EXOC4: variants seen among roughly 807,000 people sequenced by gnomAD.
EXOC4 encodes SEC8-like 1.
EXOC4 carries 71 observed loss-of-function variants against 107.2 expected under a neutral mutation model. The ratio of observed to expected loss-of-function variants is 0.66; its 90% confidence interval spans 0.55 to 0.81. The LOEUF is 0.81. Ranked by LOEUF, EXOC4 falls within the 30% of genes least tolerant of loss-of-function variation. EXOC4 has a pLI of 0.00. For missense variants in EXOC4, 1,108 were observed against 1,189.6 expected, an observed-to-expected ratio of 0.93 and a Z score of 1.01; for synonymous variants, 456 against 441.2, an observed-to-expected ratio of 1.03 and a Z score of -0.42.
At chr7:133,389,039 G>A (rs1290315843) in intron 7 of EXOC4, among the ~76,000 whole-genome samples, 1 of 152,092 alleles carries the variant, frequency 6.6e-6, no homozygotes, top group African/African-American at 2.4e-5. Flanking sequence ...TAGGTATTAT[G>A]CATTTTTGGA....
At chr7:133,594,424 G>T (rs1051879425) in intron 9 of EXOC4, among the ~76,000 whole-genome samples, 3 of 149,398 alleles carry the variant, frequency 2.0e-5, no homozygotes, top group Non-Finnish European at 3.0e-5. Context: ...AACACACAAG[G>T]TCTCTGCTTT....
intron 10 of EXOC4, among the ~76,000 whole-genome samples, chr7:133,803,007 G>A (rs1433257755): frequency 6.6e-6 from 1 of 152,104 alleles, no homozygotes; most frequent in African/African-American, 2.4e-5. Context: ...ATGCATTGAA[G>A]TAATGAACTG....
Position 133,331,847 on chromosome 7 carries a change from A to C in EXOC4, c.763+14457A>C, listed in dbSNP as rs955201985. On this transcript the variant is annotated intron_variant, in intron 5 of 17. Transcript: ENST00000253861. ...TGGAGCCTGGCCTCATGCTGTTCCCAGTCTAAATATGTAGGGCATGTATTT... is the reference window on the plus strand; with the variant it reads ...TGGAGCCTGGCCTCATGCTGTTCCCCGTCTAAATATGTAGGGCATGTATTT... Among the ~76,000 whole-genome samples, 5 of 152,308 alleles carry C rather than the reference A, an allele frequency of 3.3e-5. No individual in the cohort carries two copies. The East Asian group carries it at 7.7e-4, about 23-fold the overall frequency.
At chr7:133,406,289 C>T (rs977365811) in intron 7 of EXOC4, among the ~76,000 whole-genome samples, 2 of 152,046 alleles carry the variant, frequency 1.3e-5, no homozygotes, top group Non-Finnish European at 2.9e-5. Context: ...CATCCATGGG[C>T]GATTGTGGAA....
At chr7:133,740,274 A>G (rs1250041121) in intron 10 of EXOC4, among the ~76,000 whole-genome samples, 1 of 152,192 alleles carries the variant, frequency 6.6e-6, no homozygotes, top group African/African-American at 2.4e-5. Flanking sequence ...GCAACAAGTA[A>G]GCATATGACC....
At chr7:133,536,202 A>G (rs1007700483) in intron 9 of EXOC4, among the ~76,000 whole-genome samples, 13 of 152,340 alleles carry the variant, frequency 8.5e-5, no homozygotes, top group Admixed American at 7.8e-4. Context: ...GGGCAACCTA[A>G]GAGAAATGCC....
intron 10 of EXOC4, among the ~76,000 whole-genome samples, chr7:133,675,081 A>G (rs1794026028): frequency 6.6e-6 from 1 of 152,220 alleles, no homozygotes; most frequent in South Asian, 2.1e-4. Context: ...TTAATTTCTT[A>G]TGCTAAATAC....
intron 9 of EXOC4, among the ~76,000 whole-genome samples, chr7:133,503,912 T>C (rs1799620934): frequency 6.6e-6 from 1 of 151,970 alleles, no homozygotes; most frequent in East Asian, 1.9e-4. Context: ...AGGAAGAAGT[T>C]ACCAAGTTTT....
chr7:133,956,866 A>G (rs1290224730), intron 14 of EXOC4, among the ~76,000 whole-genome samples: 1 of 152,368 alleles, frequency 6.6e-6, no homozygotes, highest in East Asian at 1.9e-4. Context: ...CTGGTAAATT[A>G]GGAAGAAACA....
intron 11 of EXOC4, among the ~76,000 whole-genome samples, chr7:133,894,646 C>T (rs1475351802): frequency 2.3e-5 from 2 of 85,150 alleles, no homozygotes; most frequent in South Asian, 1.0e-3. Context: ...TTCCTTCTAA[C>T]AGACAGGACC....
intron 14 of EXOC4, among the ~76,000 whole-genome samples, chr7:133,968,392 C>A (rs1296181635): frequency 6.6e-6 from 1 of 152,112 alleles, no homozygotes; most frequent in Non-Finnish European, 1.5e-5. Flanking sequence ...ATGATGCTAG[C>A]TGGTTATTTT....
At chr7:133,750,485 C>T (rs1337107652) in intron 10 of EXOC4, among the ~76,000 whole-genome samples, 1 of 152,094 alleles carries the variant, frequency 6.6e-6, no homozygotes, top group African/African-American at 2.4e-5. Flanking sequence ...TGTGGTGCTT[C>T]ATGCTGTGAG....
At chr7:133,558,425 C>A (rs949638594) in intron 9 of EXOC4, among the ~76,000 whole-genome samples, 1 of 151,948 alleles carries the variant, frequency 6.6e-6, no homozygotes, top group African/African-American at 2.4e-5. Flanking sequence ...ATGTATAACA[C>A]CACAATAATC....
At chr7:133,607,129 T>C (rs1801967638) in intron 9 of EXOC4, among the ~76,000 whole-genome samples, 1 of 152,188 alleles carries the variant, frequency 6.6e-6, no homozygotes, top group Non-Finnish European at 1.5e-5. Flanking sequence ...TCTAGAGCAG[T>C]TTTTCTGAGA....
intron 9 of EXOC4, among the ~76,000 whole-genome samples, chr7:133,544,405 AT>A (rs1217820317): frequency 6.6e-6 from 1 of 152,126 alleles, no homozygotes; most frequent in African/African-American, 2.4e-5. Context: ...AACTTCCACC[AT>A]TTATTTGTTT....
intron 6 of EXOC4, among the ~76,000 whole-genome samples, chr7:133,372,544 GT>G (rs1408653687): frequency 2.7e-5 from 4 of 145,894 alleles, no homozygotes; most frequent in Admixed American, 1.4e-4. Flanking sequence ...TTCTCTACTG[GT>G]TTTTTTTTTC....
chr7:133,962,906 A>G (rs894485145), intron 14 of EXOC4, among the ~76,000 whole-genome samples: 3 of 152,346 alleles, frequency 2.0e-5, no homozygotes, highest in Admixed American at 2.0e-4. Flanking sequence ...TTTTAATTGC[A>G]CTCAAGTTAG....
the EXOC4 span, among the ~76,000 whole-genome samples, chr7:134,089,380 T>C: frequency 2.0e-5 from 3 of 152,220 alleles, no homozygotes; most frequent in Non-Finnish European, 4.4e-5. Context: ...TTTAATAGTC[T>C]CAAATACATG....
chr7:133,425,995 G>A (rs1797717536), intron 7 of EXOC4, among the ~76,000 whole-genome samples: 1 of 152,172 alleles, frequency 6.6e-6, no homozygotes, highest in African/African-American at 2.4e-5. Context: ...AAACCAAACT[G>A]CACCTCGACC....
Sources: allele counts gnomAD v4.1 joint callset (sites outside exome capture counted in the v4.1 genomes callset), GRCh38; gene constraint gnomAD v4.1.1; transcripts MANE v1.5; gene names NCBI Gene and HGNC (gene_info 2026-07-23, HGNC 2026-07-21).